The following BTNL2 variants were observed in gnomAD, a reference collection of about 807,000 sequenced individuals.
The protein encoded by BTNL2 is butyrophilin like 2.
Under a neutral mutation model 46.8 loss-of-function variants are expected in BTNL2, and 46 were observed. The ratio of observed to expected loss-of-function variants is 0.98; its 90% CI spans 0.78 to 1.26. BTNL2 has a LOEUF of 1.26. Among genes scored for constraint, BTNL2 ranks in the 50% most tolerant of loss-of-function variants. The pLI, the probability that BTNL2 is intolerant of heterozygous loss-of-function variation, is 0.00. For missense variants in BTNL2, 461 were observed against 592.6 expected (o/e 0.78, Z 2.31); for synonymous variants, 226 against 229.1 (o/e 0.99, Z 0.12).
chr6:32,406,839 G>T, intron 1 of BTNL2: 1 of 488,064 alleles, frequency 2.0e-6, no homozygotes, highest in South Asian at 3.4e-5. Flanking sequence ...AAGGTATGAG[G>T]TGCTCAAGTA....
At position 32,399,578 on chromosome 6, in the gene BTNL2, T is replaced by TTA. The variant is rs1277933550; in HGVS notation, c.730+2206_730+2207insTA. ...ATAAGTAATTAAGGACTTGCACTGT[T>TTA]AAGTTAGATAGATGTAGATTAGAAG... is the stretch of plus-strand genomic sequence containing the variant. On this transcript the variant is annotated intron_variant, in intron 4 of 7. Transcript: ENST00000454136. This position sits in a 1 kb window ranked among gnomAD's most constrained non-coding sequence, Gnocchi z 5.2. 6.6e-5 allele frequency among the ~76,000 whole-genome samples: 10 copies of TTA among 152,312 alleles called. No individual in the cohort carries two copies. Among genetic ancestry groups the TTA allele is most frequent in the African/African-American group, 1.9e-4 (8 of 41,582 alleles).
rs146370082 is a variant in BTNL2, at chr6:32,398,874, G to A, written c.731-2488C>T. Among the ~76,000 whole-genome samples, 809 of 152,278 alleles carry A rather than the reference G, an allele frequency of 5.3e-3. 9 individuals are homozygous for A. Among genetic ancestry groups the A allele is most frequent in the African/African-American group, 0.018 (764 of 41,546 alleles). ...GCAGCCCTGTTTGTTAATAATTGAT[G>A]TTCTACTAGAATACAAGCTCCTTGG... is the stretch of plus-strand genomic sequence containing the variant. On this transcript the variant is annotated intron_variant, in intron 4 of 7. Transcript: ENST00000454136.
In BTNL2 at chr6:32,394,752, G is replaced by GA; in HGVS notation, c.1351dup (p.Ser451PhefsTer?). The GA allele has an allele frequency of 1.9e-6, 3 of 1,612,116 alleles. No homozygotes were observed. Among genetic ancestry groups the GA allele is most frequent in the Non-Finnish European group, 2.5e-6 (3 of 1,178,394 alleles). On this transcript the variant is annotated frameshift_variant, in exon 6 of 8. Coordinates refer to ENST00000454136, the MANE Select transcript of BTNL2 (RefSeq NM_001304561.2). LOFTEE classifies it high-confidence loss of function. This position sits in a 1 kb window ranked among gnomAD's most constrained non-coding sequence, Gnocchi z 4.6. ...CATAAGGAATCACCAACCTGAGAGA[G>GA]AAAAAGTTGCGATTTTCTCCTCGCC...
chr6:32,400,013 G>A (rs1030388118), intron 4 of BTNL2, among the ~76,000 whole-genome samples: 22 of 152,148 alleles, frequency 1.4e-4, no homozygotes, highest in African/African-American at 4.8e-4. Flanking sequence ...ACATGGGGTC[G>A]TATTGTGTGT....
rs746202298 is a variant in BTNL2, at chr6:32,394,775, G to A, written c.1329C>T (p.Gly443=). 6.8e-6 allele frequency: 11 copies of A among 1,612,876 alleles called. No individual in the cohort carries two copies. Among genetic ancestry groups the A allele is most frequent in the African/African-American group, 1.3e-5 (1 of 74,890 alleles). ...VTCSISIPFL[G]EEKIATFSLS... ...GAGAAAAAGTTGCGATTTTCTCCTC[G>A]CCCAAAAAGGGGATGCTGATGGAAC... Residue 443 remains glycine (G), a synonymous_variant, in exon 6 of 8, where the codon GGC becomes GGT. Coordinates refer to ENST00000454136, the MANE Select transcript of BTNL2 (RefSeq NM_001304561.2). This position sits in a 1 kb window ranked among gnomAD's most constrained non-coding sequence, Gnocchi z 4.6.
Position 32,394,470 on chromosome 6 carries a change from AAG to A in BTNL2, c.1360+272_1360+273del, listed in dbSNP as rs377753208. 9.1e-6 allele frequency among the ~76,000 whole-genome samples: 1 copy of A among 109,908 alleles called. No individual in the cohort carries two copies. The highest frequency in any genetic ancestry group is 2.7e-4 in the East Asian group (1 of 3,756). The allele number at this position is 109,908 out of a possible 152,430, so 72.1% of individuals were successfully genotyped here. The stretch of plus-strand genomic sequence containing the variant: ...TTTCACATCAGAAGAAGAGAATTTA[AAG>A]AGAGAGAGTGAAAACAGGGTCAATT... On this transcript the variant is annotated intron_variant, in intron 6 of 7. Transcript: ENST00000454136. The surrounding 1 kb of genome is among the most constrained non-coding windows in gnomAD (Gnocchi z 4.6).
intron 4 of BTNL2, among the ~76,000 whole-genome samples, chr6:32,398,173 A>T (rs868120143): frequency 1.1e-4 from 17 of 152,296 alleles, no homozygotes; most frequent in Middle Eastern, 3.4e-3. Context: ...CTCTATTCTA[A>T]ATTAAGTGTC....
In BTNL2 at chr6:32,396,528, T is replaced by G. The variant is rs116925866; in HGVS notation, c.731-142A>C. The G allele has an allele frequency of 3.5e-4, 277 of 789,876 alleles. 3 individuals carry two copies. The highest frequency in any genetic ancestry group is 1.6e-3 in the Middle Eastern group (7 of 4,498). 48.9% of individuals were successfully genotyped at this position (789,876 alleles called of 1,614,324 possible). A position where few individuals can be genotyped will look rare whatever the true frequency, so the allele number is the denominator to read the frequency against. On this transcript the variant is annotated intron_variant, in intron 4 of 7. Transcript: ENST00000454136. The surrounding 1 kb of genome is among the most constrained non-coding windows in gnomAD (Gnocchi z 4.4). Reference sequence around the variant, plus strand: ...GGCTCAGGGTCATCCTTAGGTGAGGTGGGGGTTTCATGGACTCAGAATAGA... The same window carrying G: ...GGCTCAGGGTCATCCTTAGGTGAGGGGGGGGTTTCATGGACTCAGAATAGA...
chr6:32,395,118 C>CT, intron 5 of BTNL2, 93 bp from the exon 6 acceptor site: 1 of 1,350,876 alleles, frequency 7.4e-7, no homozygotes, highest in South Asian at 1.5e-5. Flanking sequence ...ATGTGGAGGG[C>CT]TTGGGGAAGG....
Position 32,394,612 on chromosome 6 carries a change from G to T in BTNL2, c.1360+132C>A. ...GGGTGTCCTGAAAACCAGCTTTGCAGAGGATAGCAGGAGACCTCGTCAGAG... is the reference window on the plus strand; with the variant it reads ...GGGTGTCCTGAAAACCAGCTTTGCATAGGATAGCAGGAGACCTCGTCAGAG... On this transcript the variant is annotated intron_variant, in intron 6 of 7. Transcript: ENST00000454136. The surrounding 1 kb of genome is among the most constrained non-coding windows in gnomAD (Gnocchi z 4.6). 9.2e-7 allele frequency: 1 copy of T among 1,081,106 alleles called. No individual in the cohort carries two copies. The allele number at this position is 1,081,106 out of a possible 1,614,324, so 67.0% of individuals were successfully genotyped here.
intron 4 of BTNL2, among the ~76,000 whole-genome samples, chr6:32,401,451 G>A (rs1400655881): frequency 1.3e-5 from 2 of 151,872 alleles, no homozygotes; most frequent in Non-Finnish European, 2.9e-5. Context: ...TCCAGGCCCC[G>A]GCCAGCTGTC....
chr6:32,403,222 G>A lies in BTNL2; in HGVS notation c.428-6C>T, dbSNP rs1328595621. The A allele has an allele frequency of 2.5e-6, 4 of 1,596,516 alleles. No individual in the cohort carries two copies. The highest frequency in any genetic ancestry group is 3.4e-6 in the Non-Finnish European group (4 of 1,171,038). ...GCTAGGGGCAGACCCCAGACCTGCA[G>A]AGGGAAGCCACAGCTCTGACACCCA... On this transcript the variant is annotated splice_region_variant and splice_polypyrimidine_tract_variant and intron_variant, in intron 2 of 7. Coordinates refer to ENST00000454136, the MANE Select transcript of BTNL2 (RefSeq NM_001304561.2).
chr6:32,393,872 C>G lies in BTNL2; in HGVS notation c.*6+91G>C. 2 of 1,479,858 alleles carry G rather than the reference C, an allele frequency of 1.4e-6. No homozygotes were observed. Among genetic ancestry groups the G allele is most frequent in the South Asian group, 1.4e-5 (1 of 72,374 alleles). The allele number at this position is 1,479,858 out of a possible 1,614,324, so 91.7% of individuals were successfully genotyped here. ...TACTGGATATTCACTGACTGCCTCCCATAGGTGACTTGTGAAAAGGGAGGC... is the reference window on the plus strand; with the variant it reads ...TACTGGATATTCACTGACTGCCTCCGATAGGTGACTTGTGAAAAGGGAGGC... On this transcript the variant is annotated intron_variant, in intron 7 of 7. Coordinates refer to ENST00000454136, the MANE Select transcript of BTNL2 (RefSeq NM_001304561.2). This position sits in a 1 kb window ranked among gnomAD's most constrained non-coding sequence, Gnocchi z 4.8.
chr6:32,400,760 A>AAAAACAAAAAAAAC (rs1390075841), intron 4 of BTNL2, among the ~76,000 whole-genome samples: 3 of 115,928 alleles, frequency 2.6e-5, no homozygotes, highest in Non-Finnish European at 3.8e-5. Flanking sequence ...AAAAAAAAAA[A>AAAAACAAAAAAAAC]AAATTAGCTG....
rs1246176355 is a variant in BTNL2, at chr6:32,396,696, A to G, written c.731-310T>C. The stretch of plus-strand genomic sequence containing the variant: ...ATAATTTTGCAATTAAAACTCCCAG[A>G]TAGGCTGGGTGTGGTGGCTCAAGTC... On this transcript the variant is annotated intron_variant, in intron 4 of 7. Transcript: ENST00000454136. This position sits in a 1 kb window ranked among gnomAD's most constrained non-coding sequence, Gnocchi z 4.4. Among the ~76,000 whole-genome samples the G allele has an allele frequency of 6.7e-6, 1 of 148,572 alleles. No individual in the cohort carries two copies. Among genetic ancestry groups the G allele is most frequent in the Non-Finnish European group, 1.5e-5 (1 of 67,280 alleles).
chr6:32,398,771 A>G (rs1467458031), intron 4 of BTNL2, among the ~76,000 whole-genome samples: 1 of 152,244 alleles, frequency 6.6e-6, no homozygotes, highest in Non-Finnish European at 1.5e-5. Context: ...AATTAATTTG[A>G]TGCATTACAG....
rs150919195 is a variant in BTNL2, at chr6:32,399,873, T to C, written c.730+1912A>G. On this transcript the variant is annotated intron_variant, in intron 4 of 7. Transcript: ENST00000454136. The surrounding 1 kb of genome is among the most constrained non-coding windows in gnomAD (Gnocchi z 5.2). The stretch of plus-strand genomic sequence containing the variant: ...CATAGAGAGCTGGGTGTCCCATCAT[T>C]AGAGCTCACCTGCAAAGCTTCCGTG... Among the ~76,000 whole-genome samples, 2,667 of 152,328 alleles carry C rather than the reference T, an allele frequency of 0.018. 77 individuals are homozygous for C. The highest frequency in any genetic ancestry group is 0.11 in the East Asian group (568 of 5,188).
rs1480865054 is a variant in BTNL2, at chr6:32,401,860, G to T, written c.710-55C>A. 2.0e-6 allele frequency: 3 copies of T among 1,519,688 alleles called. No individual in the cohort carries two copies. In the African/African-American group the frequency reaches 4.2e-5, roughly 21 times the overall value. 94.1% of individuals were successfully genotyped at this position (1,519,688 alleles called of 1,614,324 possible). On this transcript the variant is annotated intron_variant, in intron 3 of 7. Coordinates refer to ENST00000454136, the MANE Select transcript of BTNL2 (RefSeq NM_001304561.2). Reference sequence around the variant, plus strand: ...GGAATTTGGTGTAAGGGAAAGGAGAGAAACTATTTTTTAAAAAAGAAAGCA... The same window carrying T: ...GGAATTTGGTGTAAGGGAAAGGAGATAAACTATTTTTTAAAAAAGAAAGCA...
intron 4 of BTNL2, among the ~76,000 whole-genome samples, chr6:32,401,238 A>G (rs1776767631): frequency 7.1e-6 from 1 of 140,592 alleles, no homozygotes; most frequent in Non-Finnish European, 1.6e-5. Context: ...AAAAAAAAAA[A>G]AAAAAATTGC....
Sources: gnomAD v4.1 joint callset for allele counts (sites outside exome capture counted in the v4.1 genomes callset) on GRCh38, gnomAD v4.1.1 for gene constraint, Gnocchi (gnomAD v3.1) non-coding constraint, MANE v1.5 for transcripts, NCBI Gene and HGNC (gene_info 2026-07-23, HGNC 2026-07-21) for gene names.